SAMMSON: variants seen among roughly 807,000 people sequenced by gnomAD.
SAMMSON encodes the protein long intergenic non-protein coding RNA 1212.
chr3:70,038,176 A>C (rs1055323884), intron 3 of SAMMSON, among the ~76,000 whole-genome samples: 1 of 152,172 alleles, frequency 6.6e-6, no homozygotes, highest in Non-Finnish European at 1.5e-5. Context: ...CCAATGTGGC[A>C]GTGTTGTGTG....
chr3:70,042,784 C>T (rs1213690801), intron 3 of SAMMSON, among the ~76,000 whole-genome samples: 1 of 152,024 alleles, frequency 6.6e-6, no homozygotes, highest in East Asian at 1.9e-4. Flanking sequence ...CTCTAGTGTG[C>T]AGAATTGCTC....
chr3:70,301,661 T>A (rs567167594), intron 7 of SAMMSON, among the ~76,000 whole-genome samples: 1 of 152,228 alleles, frequency 6.6e-6, no homozygotes, highest in Admixed American at 6.6e-5. Context: ...ACAAATTAGT[T>A]TTAAGACAAA....
chr3:70,281,070 T>TA (rs1351810018), intron 6 of SAMMSON, among the ~76,000 whole-genome samples: 4 of 152,234 alleles, frequency 2.6e-5, no homozygotes, highest in Non-Finnish European at 5.9e-5. Flanking sequence ...TACATGTTAA[T>TA]AAATTTTGTA....
At chr3:70,040,364 A>G (rs557862476) in intron 3 of SAMMSON, among the ~76,000 whole-genome samples, 31 of 152,286 alleles carry the variant, frequency 2.0e-4, no homozygotes, top group African/African-American at 7.0e-4. Flanking sequence ...TGTGGCAACT[A>G]CGGTGCAGAA....
At chr3:70,350,209 GA>G (rs1702784015) in intron 7 of SAMMSON, among the ~76,000 whole-genome samples, 1 of 152,084 alleles carries the variant, frequency 6.6e-6, no homozygotes, top group African/African-American at 2.4e-5. Flanking sequence ...GTTATTAATT[GA>G]AAATAATCTG....
intron 7 of SAMMSON, among the ~76,000 whole-genome samples, chr3:70,344,296 G>A (rs184824279): frequency 3.9e-5 from 6 of 152,218 alleles, no homozygotes; most frequent in African/African-American, 1.2e-4. Context: ...GCAGAATTGC[G>A]GGCCAGAGAA....
At chr3:70,173,324 T>A (rs898055828) in intron 4 of SAMMSON, among the ~76,000 whole-genome samples, 4 of 151,948 alleles carry the variant, frequency 2.6e-5, no homozygotes, top group African/African-American at 9.7e-5. Flanking sequence ...CATTAATCAA[T>A]TGAGTTTAAT....
At chr3:70,145,375 C>T (rs1466174209) in intron 4 of SAMMSON, among the ~76,000 whole-genome samples, 2 of 152,108 alleles carry the variant, frequency 1.3e-5, no homozygotes, top group Non-Finnish European at 2.9e-5. Context: ...GTTTTTAAAA[C>T]CTTCCATCAA....
Position 70,163,270 on chromosome 3 carries a change from T to A in SAMMSON, n.508-85837T>A, listed in dbSNP as rs1230496390. ...TTGTGTTAAATATATATTTTAAGTG[T>A]ACCATTTACATTTCTTTATTTTCTG... On this transcript the variant is annotated intron_variant and non_coding_transcript_variant, in intron 4 of 9. Transcript: ENST00000642114. Among the ~76,000 whole-genome samples, 3 of 150,756 alleles carry A rather than the reference T, an allele frequency of 2.0e-5. No individual in the cohort carries two copies. In the Admixed American group the frequency reaches 2.0e-4, roughly 10 times the overall value.
chr3:70,295,692 A>G (rs1442321185), intron 7 of SAMMSON, among the ~76,000 whole-genome samples: 3 of 152,152 alleles, frequency 2.0e-5, no homozygotes. Context: ...ACCCTATCTC[A>G]AAAATAAATA....
chr3:70,199,424 T>C (rs1034107943), intron 4 of SAMMSON, among the ~76,000 whole-genome samples: 9 of 152,172 alleles, frequency 5.9e-5, no homozygotes, highest in African/African-American at 1.9e-4. Flanking sequence ...AATTGGCACT[T>C]GTTTCCTTCT....
chr3:70,011,456 G>A (rs947266275), intron 1 of SAMMSON, among the ~76,000 whole-genome samples: 1 of 151,958 alleles, frequency 6.6e-6, no homozygotes, highest in Non-Finnish European at 1.5e-5. Context: ...AGGAGAGTTT[G>A]TTTTTTCTAT....
At chr3:70,283,903 T>G (rs1328122099) in intron 6 of SAMMSON, 1 of 152,144 alleles carries the variant, frequency 6.6e-6, no homozygotes. Context: ...ATCAAGTATT[T>G]AATACATGTG....
chr3:70,017,208 C>T lies in SAMMSON; in HGVS notation n.417+3536C>T, dbSNP rs1487171668. On this transcript the variant is annotated intron_variant and non_coding_transcript_variant, in intron 3 of 9. Coordinates refer to ENST00000642114, the Ensembl canonical transcript of SAMMSON. ...GGCCACTTTCACGATATTGATTCTT[C>T]CTACCCATGAGCATGGAATGTTATT... Among the ~76,000 whole-genome samples, 20 of 152,256 alleles carry T rather than the reference C, an allele frequency of 1.3e-4. 1 individual carries two copies. The East Asian group carries it at 3.9e-3, about 29-fold the overall frequency.
chr3:70,335,582 CT>C (rs1702654302), intron 7 of SAMMSON, among the ~76,000 whole-genome samples: 1 of 151,902 alleles, frequency 6.6e-6, no homozygotes, highest in South Asian at 2.1e-4. Context: ...TACTTTGCCA[CT>C]GTGGGATTGT....
At chr3:70,124,772 G>C (rs2067448819) in intron 4 of SAMMSON, among the ~76,000 whole-genome samples, 1 of 131,550 alleles carries the variant, frequency 7.6e-6, no homozygotes, top group Admixed American at 8.7e-5. Flanking sequence ...TCAAGATCGT[G>C]CCAGTGCACT....
chr3:70,416,909 A>C (rs1701268952), intron 2 of SAMMSON, among the ~76,000 whole-genome samples: 1 of 152,176 alleles, frequency 6.6e-6, no homozygotes, highest in Admixed American at 6.5e-5. Context: ...GCCATTGCTC[A>C]GGGTCTCTGC....
intron 9 of SAMMSON, among the ~76,000 whole-genome samples, chr3:70,365,173 A>C (rs1702911247): frequency 6.6e-6 from 1 of 151,632 alleles, no homozygotes; most frequent in African/African-American, 2.4e-5. Flanking sequence ...TGGCATCATA[A>C]AATGCTCCAT....
At chr3:70,162,818 G>A (rs1413994328) in intron 4 of SAMMSON, among the ~76,000 whole-genome samples, 1 of 151,792 alleles carries the variant, frequency 6.6e-6, no homozygotes, top group Non-Finnish European at 1.5e-5. Flanking sequence ...AGGGTCTGTT[G>A]TTAGATGCAC....
Sources: gnomAD v4.1 joint callset for allele counts (sites outside exome capture counted in the v4.1 genomes callset) on GRCh38, gnomAD v4.1.1 for gene constraint, MANE v1.5 for transcripts, NCBI Gene and HGNC (gene_info 2026-07-23, HGNC 2026-07-21) for gene names.